Variants in BRCC3 observed in about 807,000 individuals in gnomAD.
BRCC3 encodes the protein lys-63-specific deubiquitinase BRCC36.
Under a neutral mutation model 28.0 loss-of-function variants are expected in BRCC3, and 15 were observed. That is an observed-to-expected ratio of 0.54 (90% confidence interval 0.36 to 0.82). BRCC3 has a LOEUF of 0.82. Ranked by LOEUF, BRCC3 falls within the 40% of genes least tolerant of loss-of-function variation. The pLI is 0.01. For missense variants in BRCC3, 109 were observed against 225.9 expected, an observed-to-expected ratio of 0.48 and a Z score of 3.32; for synonymous variants, 66 against 80.3, an observed-to-expected ratio of 0.82 and a Z score of 0.95.
At chrX:155,078,818 T>C in intron 5 of BRCC3, 115 bp downstream of exon 5, 2 of 437,791 alleles carry the variant, frequency 4.6e-6, no homozygotes, top group Non-Finnish European at 7.9e-6. Flanking sequence ...CTTTAGCAGA[T>C]GTCATTATTT....
intron 7 of BRCC3, among the ~76,000 whole-genome samples, chrX:155,106,286 CCT>C (rs2074284109): frequency 1.8e-5 from 2 of 110,786 alleles, no homozygotes; most frequent in Admixed American, 9.6e-5. Context: ...TCTATTACAT[CCT>C]CTGTTTTTTG....
intron 7 of BRCC3, among the ~76,000 whole-genome samples, chrX:155,109,518 A>T (rs916748957): frequency 1.8e-5 from 2 of 111,682 alleles, no homozygotes; most frequent in African/African-American, 3.2e-5. Context: ...ATTCTTGGGA[A>T]TTTGGTGTTT....
intron 3 of BRCC3, 56 bp from the exon 4 acceptor site, chrX:155,077,114 G>C (rs1557293719): frequency 6.7e-6 from 7 of 1,045,393 alleles, no homozygotes; most frequent in Non-Finnish European, 1.3e-6. Flanking sequence ...ATAGTTGAAG[G>C]GGGATGTGTT....
At chrX:155,086,213 A>T (rs913667728) in intron 5 of BRCC3, among the ~76,000 whole-genome samples, 22 of 111,398 alleles carry the variant, frequency 2.0e-4, no homozygotes, top group African/African-American at 6.3e-4. Flanking sequence ...TGGCATCTGC[A>T]TCCTTTAAGG....
intron 7 of BRCC3, among the ~76,000 whole-genome samples, chrX:155,094,218 T>C (rs1395649777): frequency 9.0e-6 from 1 of 111,409 alleles, no homozygotes; most frequent in Non-Finnish European, 1.9e-5. Context: ...CAGGTATCAC[T>C]CTGTTCTAGA....
chrX:155,113,752 G>A (rs1557298399), intron 7 of BRCC3, among the ~76,000 whole-genome samples: 2 of 110,855 alleles, frequency 1.8e-5, no homozygotes, highest in African/African-American at 6.6e-5. Context: ...TTTAATAAGG[G>A]GTCAATATCC....
Position 155,089,366 on chromosome X carries a change from T to C in BRCC3, c.492+15T>C, listed in dbSNP as rs2074159113. On this transcript the variant is annotated intron_variant, in intron 6 of 10. Coordinates refer to ENST00000330045, the MANE Select transcript of BRCC3 (RefSeq NM_001018055.3). The stretch of plus-strand genomic sequence containing the variant: ...AGAACACAAAGGTATTGTGTGTGCA[T>C]GTGTGTGTGTGTGTGTGTGTGTGTA... 2.1e-5 allele frequency: 9 copies of C among 421,286 alleles called. No homozygotes were observed. The highest frequency in any genetic ancestry group is 3.0e-5 in the Non-Finnish European group (9 of 295,586). 34.7% of individuals were successfully genotyped at this position (421,286 alleles called of 1,213,427 possible).
chrX:155,096,133 G>GA (rs1557296231), intron 7 of BRCC3, among the ~76,000 whole-genome samples: 2 of 112,250 alleles, frequency 1.8e-5, no homozygotes, highest in African/African-American at 6.5e-5. Context: ...GAAAGAATTT[G>GA]AAAACATAAG....
chrX:155,088,769 C>A (rs967321507), intron 5 of BRCC3, among the ~76,000 whole-genome samples: 64 of 111,565 alleles, frequency 5.7e-4, no homozygotes, highest in African/African-American at 2.1e-3. Flanking sequence ...AATCAAGTAA[C>A]CATATAGGAG....
chrX:155,106,558 A>G (rs1027383722), intron 7 of BRCC3, among the ~76,000 whole-genome samples: 7 of 112,809 alleles, frequency 6.2e-5, no homozygotes, highest in East Asian at 5.5e-4. Context: ...TCTGATCCTT[A>G]TGGAAATTCC....
chrX:155,075,306 G>T lies in BRCC3; in HGVS notation c.196-1864G>T, dbSNP rs782469408. On this transcript the variant is annotated intron_variant, in intron 3 of 10. Coordinates refer to ENST00000330045, the MANE Select transcript of BRCC3 (RefSeq NM_001018055.3). ...CCCACTCTTTCCCCTGGCCCTTCTT[G>T]TTCTTCCCCACACTAAATGTGGCCA... 3.4e-3 allele frequency among the ~76,000 whole-genome samples: 173 copies of T among 51,339 alleles called. 1 individual carries two copies. In the African/African-American group the frequency reaches 0.068, roughly 20 times the overall value. 44.6% of individuals were successfully genotyped at this position (51,339 alleles called of 115,157 possible).
At chrX:155,111,415 A>G (rs1385694344) in intron 7 of BRCC3, among the ~76,000 whole-genome samples, 5 of 112,093 alleles carry the variant, frequency 4.5e-5, no homozygotes, top group African/African-American at 6.5e-5. Flanking sequence ...GGATAGACAT[A>G]TAAATCAGTG....
rs782039492 is a variant in BRCC3, at chrX:155,116,045, A to T, written c.549-12A>T. The T allele has an allele frequency of 3.3e-6, 4 of 1,206,181 alleles. No individual in the cohort carries two copies. In the South Asian group the frequency reaches 7.1e-5, roughly 21 times the overall value. ...AGGGTTTAAAAACTGACCTGAACTGATTGCCTCACAGGTATGAGAGAATCG... is the reference window on the plus strand; with the variant it reads ...AGGGTTTAAAAACTGACCTGAACTGTTTGCCTCACAGGTATGAGAGAATCG... On this transcript the variant is annotated splice_polypyrimidine_tract_variant and intron_variant, in intron 7 of 10. Transcript: ENST00000330045.
intron 7 of BRCC3, among the ~76,000 whole-genome samples, chrX:155,114,745 A>G (rs1181002483): frequency 2.5e-4 from 28 of 110,845 alleles, no homozygotes; most frequent in African/African-American, 8.2e-4. Flanking sequence ...TAAAAAAAAA[A>G]AGAGAATGAA....
At chrX:155,114,388 A>G (rs2074341096) in intron 7 of BRCC3, among the ~76,000 whole-genome samples, 1 of 111,531 alleles carries the variant, frequency 9.0e-6, no homozygotes, top group African/African-American at 3.3e-5. Flanking sequence ...TTCTATTTAT[A>G]TAAGGTATCT....
chrX:155,120,412 GGAATATCTTA>G (rs1394959497), intron 10 of BRCC3, among the ~76,000 whole-genome samples: 1 of 111,895 alleles, frequency 8.9e-6, no homozygotes, highest in African/African-American at 3.2e-5. Flanking sequence ...ACAATGGCAA[GGAATATCTTA>G]GAATAAAATG....
rs1557294757 is a variant in BRCC3, at chrX:155,085,879, CAGGA to C, written c.404-3383_404-3380del. 2.7e-5 allele frequency among the ~76,000 whole-genome samples: 3 copies of C among 111,595 alleles called. No homozygotes were observed. The East Asian group carries it at 8.5e-4, about 32-fold the overall frequency. Reference sequence around the variant, plus strand: ...TAGGTCCATGGCTGCCTGGTTCCCCCAGGACTGCTTTGCCATGACAGCTACCTGA... The same window carrying C: ...TAGGTCCATGGCTGCCTGGTTCCCCCCTGCTTTGCCATGACAGCTACCTGA... On this transcript the variant is annotated intron_variant, in intron 5 of 10. Transcript: ENST00000330045.
At chrX:155,109,046 T>C (rs1295561485) in intron 7 of BRCC3, among the ~76,000 whole-genome samples, 1 of 111,491 alleles carries the variant, frequency 9.0e-6, no homozygotes, top group South Asian at 3.7e-4. Flanking sequence ...TGACATTCCC[T>C]TTTTCCCACG....
At chrX:155,093,533 C>T (rs782282144) in intron 7 of BRCC3, among the ~76,000 whole-genome samples, 12 of 106,067 alleles carry the variant, frequency 1.1e-4, no homozygotes, top group Non-Finnish European at 2.2e-4. Flanking sequence ...TCAGTGTTCT[C>T]CTTAATTTAT....
Sources: gnomAD v4.1 joint callset for allele counts (sites outside exome capture counted in the v4.1 genomes callset) on GRCh38, gnomAD v4.1.1 for gene constraint, MANE v1.5 for transcripts, NCBI Gene and HGNC (gene_info 2026-07-23, HGNC 2026-07-21) for gene names.